DAGLA: variants seen among roughly 807,000 people sequenced by gnomAD.
DAGLA encodes the protein diacylglycerol lipase alpha, also known as diacylglycerol lipase-alpha.
A neutral mutation model predicts 102.6 loss-of-function variants in DAGLA; 22 were observed. The ratio of observed to expected loss-of-function variants is 0.21; its 90% CI spans 0.15 to 0.31. The LOEUF (loss-of-function observed/expected upper bound fraction) is 0.31, where lower values mean the gene tolerates loss of function less well. Among genes scored for constraint, DAGLA ranks in the 10% least tolerant of loss-of-function variants. The pLI is 1.00. For synonymous variants in DAGLA, 578 were observed against 628.9 expected, an observed-to-expected ratio of 0.92 and a Z score of 1.21; for missense variants, 927 against 1,446.6, an observed-to-expected ratio of 0.64 and a Z score of 5.83.
In DAGLA at chr11:61,686,132, G is replaced by T. The variant is rs61898525; in HGVS notation, c.-45+5628G>T. On this transcript the variant is annotated intron_variant, in intron 1 of 19. Coordinates refer to ENST00000257215, the MANE Select transcript of DAGLA (RefSeq NM_006133.3). The surrounding 1 kb of genome is among the most constrained non-coding windows in gnomAD (Gnocchi z 5.2). ...CTTGAACCAGGGCAGTGGCCACTCT[G>T]CAGGGGAAAGGGGAGAGACAAAGCC... Among the ~76,000 whole-genome samples the T allele has an allele frequency of 2.6e-5, 4 of 151,896 alleles. No homozygotes were observed. Among genetic ancestry groups the T allele is most frequent in the African/African-American group, 4.8e-5 (2 of 41,360 alleles).
intron 14 of DAGLA, 64 bp from the exon 15 acceptor site, chr11:61,737,623 C>T: frequency 1.3e-6 from 2 of 1,485,732 alleles, no homozygotes; most frequent in Non-Finnish European, 1.9e-6. Context: ...GCTGGGCCCC[C>T]CGATTCCGGA....
At chr11:61,731,467 G>A in intron 9 of DAGLA, 26 bp downstream of exon 9, 1 of 1,611,002 alleles carries the variant, frequency 6.2e-7, no homozygotes, top group Non-Finnish European at 8.5e-7. Flanking sequence ...CCATCCCCCA[G>A]CGATTGCACC....
chr11:61,682,357 T>C lies in DAGLA; in HGVS notation c.-45+1853T>C, dbSNP rs138616309. Among the ~76,000 whole-genome samples the C allele has an allele frequency of 7.4e-3, 1,124 of 152,058 alleles. 19 individuals carry two copies. Among genetic ancestry groups the C allele is most frequent in the African/African-American group, 0.026 (1,081 of 41,480 alleles). ...AGGAAATGGTGGCACGGGATGTGAT[T>C]GGGAGGAAGGGAGCCGGAAGGTTGA... On this transcript the variant is annotated intron_variant, in intron 1 of 19. Coordinates refer to ENST00000257215, the MANE Select transcript of DAGLA (RefSeq NM_006133.3).
chr11:61,712,962 G>T (rs549683198), intron 1 of DAGLA, among the ~76,000 whole-genome samples: 3 of 152,226 alleles, frequency 2.0e-5, no homozygotes, highest in Non-Finnish European at 4.4e-5. Context: ...AAACCATTTT[G>T]CCTCTCTGAG....
chr11:61,683,720 C>T (rs567999396), intron 1 of DAGLA, among the ~76,000 whole-genome samples: 11 of 152,214 alleles, frequency 7.2e-5, no homozygotes, highest in African/African-American at 2.4e-4. Flanking sequence ...GAGTTGGCCT[C>T]TGTTCCCCAA....
chr11:61,685,453 A>G (rs1485961198), intron 1 of DAGLA, among the ~76,000 whole-genome samples: 1 of 152,154 alleles, frequency 6.6e-6, no homozygotes, highest in Non-Finnish European at 1.5e-5. Context: ...AATCTTGCAT[A>G]TCTGTTAGCA....
chr11:61,744,281 G>A lies in DAGLA; in HGVS notation c.2921G>A (p.Arg974Gln), dbSNP rs1397676175. The change falls in exon 20 of 20, where the codon CGG becomes CAG. Residue 974 changes from arginine to glutamine, a missense_variant. By Grantham distance (43) the Arg-to-Gln change is conservative. Transcript: ENST00000257215. ...CCCAACCTGGTGCCCAAGCCCCCAC[G>A]GCTCTTTGCCGGCTCAGCCGACCCC... ...FEPNLVPKPP[R>Q]LFAGSADPSS... The A allele has an allele frequency of 1.9e-6, 3 of 1,612,870 alleles. No homozygotes were observed. Among genetic ancestry groups the A allele is most frequent in the Non-Finnish European group, 2.5e-6 (3 of 1,179,910 alleles).
At position 61,746,711 on chromosome 11, in the gene DAGLA, G is replaced by A. The variant is rs145353371; in HGVS notation, c.*2222G>A. ...CCCTCAGCCCCGTTCGGCTCAGACC[G>A]ACCCCCACTCCATCCCCAGACCTGC... On this transcript the variant is annotated 3_prime_UTR_variant, in exon 20 of 20. Coordinates refer to ENST00000257215, the MANE Select transcript of DAGLA (RefSeq NM_006133.3). 249 of 152,626 alleles carry A rather than the reference G, an allele frequency of 1.6e-3. 1 individual carries two copies. Among genetic ancestry groups the A allele is most frequent in the Non-Finnish European group, 4.6e-4 (31 of 68,054 alleles). The allele number at this position is 152,626 out of a possible 1,614,324, so 9.5% of individuals were successfully genotyped here. A position where few individuals can be genotyped will look rare whatever the true frequency, so the allele number is the denominator to read the frequency against.
chr11:61,713,147 CAT>C (rs2065208450), intron 1 of DAGLA, among the ~76,000 whole-genome samples: 1 of 152,310 alleles, frequency 6.6e-6, no homozygotes, highest in East Asian at 1.9e-4. Flanking sequence ...TGCTATCCCA[CAT>C]GATTGTGAGT....
intron 1 of DAGLA, among the ~76,000 whole-genome samples, chr11:61,711,460 C>T (rs946591297): frequency 6.6e-6 from 1 of 152,218 alleles, no homozygotes; most frequent in Admixed American, 6.5e-5. Flanking sequence ...TGTCGGAGCA[C>T]AGGACTGAGT....
In DAGLA at chr11:61,731,054, A is replaced by G. The variant is rs75936747; in HGVS notation, c.850-263A>G. ...TGGACCAAGTGATTTTCTGTCCCCA[A>G]ATCATTAATTCTGAGACTGGAGCAA... On this transcript the variant is annotated intron_variant, in intron 8 of 19. Transcript: ENST00000257215. Among the ~76,000 whole-genome samples the G allele has an allele frequency of 4.7e-3, 719 of 152,322 alleles. 3 individuals are homozygous for G. The highest frequency in any genetic ancestry group is 7.7e-3 in the Non-Finnish European group (521 of 68,020).
At chr11:61,728,415 G>A (rs1352974920) in intron 7 of DAGLA, 128 bp downstream of exon 7, 2 of 1,165,016 alleles carry the variant, frequency 1.7e-6, no homozygotes, top group Non-Finnish European at 2.4e-6. Flanking sequence ...GCACTCTCTT[G>A]GACCCTGGAG....
chr11:61,703,634 G>A (rs187020640), intron 1 of DAGLA, among the ~76,000 whole-genome samples: 5 of 152,264 alleles, frequency 3.3e-5, no homozygotes, highest in African/African-American at 1.2e-4. Flanking sequence ...GATGAACAGT[G>A]TAGAATGACT....
intron 7 of DAGLA, among the ~76,000 whole-genome samples, chr11:61,728,563 G>A (rs2065350050): frequency 6.6e-6 from 1 of 152,226 alleles, no homozygotes; most frequent in Non-Finnish European, 1.5e-5. Flanking sequence ...CTAACCACAG[G>A]CTTAGTGGAC....
chr11:61,736,975 C>T (rs976306985), intron 13 of DAGLA, among the ~76,000 whole-genome samples: 3 of 152,234 alleles, frequency 2.0e-5, no homozygotes, highest in South Asian at 2.1e-4. Flanking sequence ...GGTTTGGAAG[C>T]GTAAATAAGA....
chr11:61,735,543 G>A lies in DAGLA; in HGVS notation c.1129-18G>A, dbSNP rs766931429. 15 of 1,612,880 alleles carry A rather than the reference G, an allele frequency of 9.3e-6. No homozygotes were observed. Among genetic ancestry groups the A allele is most frequent in the Admixed American group, 1.7e-5 (1 of 59,904 alleles). On this transcript the variant is annotated intron_variant, in intron 10 of 19. Coordinates refer to ENST00000257215, the MANE Select transcript of DAGLA (RefSeq NM_006133.3). ...CCCCACCAGGGCCGCTCAGGCTCAC[G>A]AGCTGCCCGCCTCCTAGGTCTATGA...
chr11:61,728,038 G>A, intron 6 of DAGLA, 115 bp from the exon 7 acceptor site: 1 of 1,238,050 alleles, frequency 8.1e-7, no homozygotes, highest in Non-Finnish European at 1.2e-6. Context: ...CTGTCCAGGG[G>A]ACCCCGAGCA....
intron 1 of DAGLA, among the ~76,000 whole-genome samples, chr11:61,688,619 G>A (rs575605171): frequency 4.6e-5 from 7 of 152,334 alleles, no homozygotes; most frequent in Admixed American, 2.0e-4. Flanking sequence ...CACTCTGGGC[G>A]CCTGGATTTT....
intron 1 of DAGLA, among the ~76,000 whole-genome samples, chr11:61,695,480 G>C (rs1183610679): frequency 1.3e-5 from 2 of 152,160 alleles, no homozygotes; most frequent in African/African-American, 4.8e-5. Flanking sequence ...ACTTCCCAGC[G>C]GGGAGGAGCA....
Sources: gnomAD v4.1 joint callset for allele counts (sites outside exome capture counted in the v4.1 genomes callset) on GRCh38, gnomAD v4.1.1 for gene constraint, Gnocchi (gnomAD v3.1) non-coding constraint, MANE v1.5 for transcripts, NCBI Gene and HGNC (gene_info 2026-07-23, HGNC 2026-07-21) for gene names.